The following C8orf34 variants were observed in gnomAD, a reference collection of about 807,000 sequenced individuals.
C8orf34 encodes uncharacterized protein C8orf34.
In C8orf34, 65 loss-of-function variants were observed where a neutral mutation model predicts 68.3. The observed-to-expected ratio is 0.95, with a 90% CI of 0.78 to 1.17. C8orf34 has a LOEUF of 1.17. C8orf34 is among the 50% of genes most tolerant of loss of function. C8orf34 has a pLI of 0.00. For missense variants in C8orf34, 664 were observed against 655.4 expected (o/e 1.01, Z -0.14); for synonymous variants, 244 against 241.2 (o/e 1.01, Z -0.11).
Position 68,484,289 on chromosome 8 carries a change from C to A in C8orf34, c.737-3734C>A, listed in dbSNP as rs1452547804. 1.3e-5 allele frequency among the ~76,000 whole-genome samples: 2 copies of A among 152,204 alleles called. 1 individual carries two copies. Among genetic ancestry groups the A allele is most frequent in the Non-Finnish European group, 2.9e-5 (2 of 68,040 alleles). ...CTGGACCATTCATGAGAAATCCACCCCCATGATCCAGTCACCTCCCACCAG... is the reference window on the plus strand; with the variant it reads ...CTGGACCATTCATGAGAAATCCACCACCATGATCCAGTCACCTCCCACCAG... On this transcript the variant is annotated intron_variant, in intron 4 of 13. Coordinates refer to ENST00000518698, the MANE Select transcript of C8orf34 (RefSeq NM_052958.4).
At chr8:68,645,334 G>A (rs768913912) in intron 8 of C8orf34, among the ~76,000 whole-genome samples, 5 of 152,134 alleles carry the variant, frequency 3.3e-5, no homozygotes, top group Non-Finnish European at 7.4e-5. Flanking sequence ...TAATTACTGT[G>A]TAAATACTTG....
intron 8 of C8orf34, among the ~76,000 whole-genome samples, chr8:68,685,774 G>T (rs1467490292): frequency 6.6e-6 from 1 of 151,964 alleles, no homozygotes; most frequent in Non-Finnish European, 1.5e-5. Context: ...TACTCAGGAG[G>T]CTGAGGTGAA....
intron 6 of C8orf34, among the ~76,000 whole-genome samples, chr8:68,531,882 C>A (rs559460976): frequency 1.5e-4 from 23 of 152,130 alleles, no homozygotes; most frequent in African/African-American, 5.1e-4. Context: ...CCACACTTAA[C>A]AGAATAAGGA....
chr8:68,575,079 A>G (rs943235168), intron 7 of C8orf34, among the ~76,000 whole-genome samples: 4 of 151,986 alleles, frequency 2.6e-5, no homozygotes, highest in Admixed American at 1.3e-4. Flanking sequence ...CAAAAATGAC[A>G]TATCTATATT....
In C8orf34 at chr8:68,818,406, G is replaced by A; in HGVS notation, c.*160G>A. On this transcript the variant is annotated 3_prime_UTR_variant, in exon 14 of 14. Coordinates refer to ENST00000518698, the MANE Select transcript of C8orf34 (RefSeq NM_052958.4). ...ACTATCGTAGCCAGGGGGTGCCCAA[G>A]TATGTAATCAGAGAACACTAATCCT... is the stretch of plus-strand genomic sequence containing the variant. 1.3e-6 allele frequency: 1 copy of A among 766,374 alleles called. No homozygotes were observed. The highest frequency in any genetic ancestry group is 2.5e-5 in the Admixed American group (1 of 39,762). The allele number at this position is 766,374 out of a possible 1,614,324, so 47.5% of individuals were successfully genotyped here. A position where few individuals can be genotyped will look rare whatever the true frequency, so the allele number is the denominator to read the frequency against.
chr8:68,601,305 CT>C (rs1217737656), intron 7 of C8orf34, among the ~76,000 whole-genome samples: 1 of 151,986 alleles, frequency 6.6e-6, no homozygotes, highest in Admixed American at 6.6e-5. Flanking sequence ...AGCATTATTT[CT>C]TCAAATACTT....
chr8:68,794,944 A>C (rs1824133459), intron 12 of C8orf34, among the ~76,000 whole-genome samples: 2 of 152,170 alleles, frequency 1.3e-5, no homozygotes, highest in Admixed American at 1.3e-4. Flanking sequence ...TTTTTGGATA[A>C]GGGATACTCT....
chr8:68,523,889 A>G (rs1814863596), intron 6 of C8orf34, among the ~76,000 whole-genome samples: 1 of 152,166 alleles, frequency 6.6e-6, no homozygotes, highest in African/African-American at 2.4e-5. Context: ...GACTCCTGAA[A>G]GAGAAAACTT....
intron 9 of C8orf34, among the ~76,000 whole-genome samples, chr8:68,711,232 CA>C (rs970873461): frequency 2.6e-5 from 4 of 152,064 alleles, no homozygotes; most frequent in African/African-American, 9.7e-5. Context: ...ACCAGTAAAA[CA>C]ATTCTGGTAA....
At chr8:68,701,554 G>T (rs1478777488) in intron 8 of C8orf34, among the ~76,000 whole-genome samples, 1 of 151,720 alleles carries the variant, frequency 6.6e-6, no homozygotes, top group African/African-American at 2.4e-5. Context: ...GTCTAATTAA[G>T]CCAGTCCATT....
chr8:68,503,837 A>T (rs891334215), intron 5 of C8orf34, among the ~76,000 whole-genome samples: 1 of 152,104 alleles, frequency 6.6e-6, no homozygotes, highest in South Asian at 2.1e-4. Context: ...TCCATACTAT[A>T]GTGTTAGACC....
rs187405086 is a variant in C8orf34, at chr8:68,486,452, A to C, written c.737-1571A>C. 3.0e-4 allele frequency among the ~76,000 whole-genome samples: 45 copies of C among 152,282 alleles called. 1 individual carries two copies. The East Asian group carries it at 7.5e-3, about 25-fold the overall frequency. On this transcript the variant is annotated intron_variant, in intron 4 of 13. Coordinates refer to ENST00000518698, the MANE Select transcript of C8orf34 (RefSeq NM_052958.4). Reference sequence around the variant, plus strand: ...GGTAGTTAGACTCTCTTTTGATGTGACACATAAAAATTCTTAGTTACCAAT... The same window carrying C: ...GGTAGTTAGACTCTCTTTTGATGTGCCACATAAAAATTCTTAGTTACCAAT...
rs148131625 is a variant in C8orf34 at position 68,440,794 on chromosome 8, C to T, written c.475+1148C>T. Among the ~76,000 whole-genome samples, 1,158 of 136,890 alleles carry T rather than the reference C, an allele frequency of 8.5e-3. 15 individuals are homozygous for T. The highest frequency in any genetic ancestry group is 0.028 in the African/African-American group (1,053 of 37,476). The allele number at this position is 136,890 out of a possible 152,430, so 89.8% of individuals were successfully genotyped here. ...AAATCAGTATCTGGAGAGAAAGGAA[C>T]ATATTAAACTCTGCATTTTTTTTTT... On this transcript the variant is annotated intron_variant, in intron 2 of 13. Transcript: ENST00000518698.
At chr8:68,428,810 C>G (rs1266387789) in intron 1 of C8orf34, among the ~76,000 whole-genome samples, 1 of 152,056 alleles carries the variant, frequency 6.6e-6, no homozygotes, top group Non-Finnish European at 1.5e-5. Context: ...TATATGGCCA[C>G]TTGATTCATG....
chr8:68,812,111 T>C (rs983871899), intron 12 of C8orf34, among the ~76,000 whole-genome samples: 3 of 152,170 alleles, frequency 2.0e-5, no homozygotes, highest in Non-Finnish European at 4.4e-5. Flanking sequence ...AGTAATACAT[T>C]TGAGTAGAAA....
intron 2 of C8orf34, among the ~76,000 whole-genome samples, chr8:68,443,538 G>A (rs1762115678): frequency 6.6e-6 from 1 of 151,424 alleles, no homozygotes; most frequent in South Asian, 2.1e-4. Flanking sequence ...GGGACTACAG[G>A]CACACGCCAG....
chr8:68,687,891 A>G (rs2130897273), intron 8 of C8orf34, among the ~76,000 whole-genome samples: 1 of 152,222 alleles, frequency 6.6e-6, no homozygotes, highest in Admixed American at 6.6e-5. Flanking sequence ...TCCAGAATCT[A>G]CAAGGGACTC....
chr8:68,577,493 T>C (rs1285643232), intron 7 of C8orf34, among the ~76,000 whole-genome samples: 2 of 151,936 alleles, frequency 1.3e-5, no homozygotes, highest in Admixed American at 6.6e-5. Flanking sequence ...CAGAATATAT[T>C]TGAAATTACA....
intron 3 of C8orf34, 167 bp downstream of exon 3, chr8:68,446,627 C>T (rs1171387377): frequency 2.0e-5 from 13 of 644,236 alleles, no homozygotes; most frequent in South Asian, 6.9e-5. Flanking sequence ...TTCATTCATA[C>T]GTATGTATTT....
Sources: gnomAD v4.1 joint callset for allele counts (sites outside exome capture counted in the v4.1 genomes callset) on GRCh38, gnomAD v4.1.1 for gene constraint, MANE v1.5 for transcripts, NCBI Gene and HGNC (gene_info 2026-07-23, HGNC 2026-07-21) for gene names.